The following TRIM6 variants were observed in gnomAD, a reference collection of about 807,000 sequenced individuals.
TRIM6 encodes the protein tripartite motif containing 6.
Under a neutral mutation model 51.2 loss-of-function variants are expected in TRIM6, and 43 were observed. That is an observed-to-expected ratio of 0.84 (90% CI 0.66 to 1.08). TRIM6 has a LOEUF of 1.08. TRIM6 is among the 50% of genes least tolerant of loss of function. TRIM6 has a pLI of 0.00. For missense variants in TRIM6, 669 were observed against 619.0 expected (o/e 1.08, Z -0.86); for synonymous variants, 215 against 232.4 (o/e 0.93, Z 0.68).
At position 5,612,690 on chromosome 11, in the gene TRIM6, A is replaced by G. The variant is rs1848621405; in HGVS notation, c.*1348A>G. Reference sequence around the variant, plus strand: ...CCAGCTATAAAAGAAATTAAGAGGTACATGTGAGGGTAGAAACAAATATCA... The same window carrying G: ...CCAGCTATAAAAGAAATTAAGAGGTGCATGTGAGGGTAGAAACAAATATCA... On this transcript the variant is annotated 3_prime_UTR_variant, in exon 8 of 8. Transcript: ENST00000380097. 1 of 152,236 alleles carries G rather than the reference A, an allele frequency of 6.6e-6. No homozygotes were observed. The allele number at this position is 152,236 out of a possible 1,614,324, so 9.4% of individuals were successfully genotyped here.
At position 5,603,237 on chromosome 11, in the gene TRIM6, T is replaced by G. The variant is rs536622605; in HGVS notation, c.18-9T>G. Reference sequence around the variant, plus strand: ...CCCTGATCCTTTTTTTGTTTGTTCATCTACCTAGGATTCTACAGGCAGGAA... The same window carrying G: ...CCCTGATCCTTTTTTTGTTTGTTCAGCTACCTAGGATTCTACAGGCAGGAA... On this transcript the variant is annotated splice_polypyrimidine_tract_variant and intron_variant, in intron 1 of 7. Transcript: ENST00000380097. 1 of 1,608,914 alleles carries G rather than the reference T, an allele frequency of 6.2e-7. No homozygotes were observed.
chr11:5,610,669 C>T (rs1056285180), intron 7 of TRIM6, 108 bp downstream of exon 7: 3 of 1,567,088 alleles, frequency 1.9e-6, no homozygotes, highest in Admixed American at 1.8e-5. Context: ...TCCCCCATCC[C>T]CGCCATATAG....
At chr11:5,606,576 T>TA (rs1475638363) in intron 4 of TRIM6, among the ~76,000 whole-genome samples, 1 of 152,208 alleles carries the variant, frequency 6.6e-6, no homozygotes, top group Non-Finnish European at 1.5e-5. Context: ...TTCTGCCTGT[T>TA]ACAGCTTTTT....
intron 5 of TRIM6, 58 bp from the exon 6 acceptor site, chr11:5,610,087 G>T: frequency 6.3e-7 from 1 of 1,579,276 alleles, no homozygotes. Context: ...AAGGGAGATG[G>T]GTGGTGGAGG....
In TRIM6 at chr11:5,596,676, C is replaced by A; in HGVS notation, c.-222C>A. 1.5e-6 allele frequency: 1 copy of A among 645,646 alleles called. No individual in the cohort carries two copies. Among genetic ancestry groups the A allele is most frequent in the South Asian group, 1.9e-5 (1 of 52,496 alleles). 40.0% of individuals were successfully genotyped at this position (645,646 alleles called of 1,614,324 possible). On this transcript the variant is annotated 5_prime_UTR_variant, in exon 1 of 8. It adds an upstream start codon to the 5' untranslated region. Transcript: ENST00000380097. ...GATGAGCCTTCCGCAAACTCCTGAC[C>A]TGTGGGTCCGTCCGTTCAACGGCCA...
chr11:5,607,237 G>A (rs2133852391), intron 4 of TRIM6, among the ~76,000 whole-genome samples: 1 of 152,058 alleles, frequency 6.6e-6, no homozygotes, highest in South Asian at 2.1e-4. Context: ...CAAGATAAAA[G>A]CTTCAAAATA....
At chr11:5,605,687 C>A in intron 4 of TRIM6, 120 bp downstream of exon 4, 1 of 1,195,974 alleles carries the variant, frequency 8.4e-7, no homozygotes, top group Non-Finnish European at 1.1e-6. Flanking sequence ...TCCTTTGGCG[C>A]TATAGTGCCT....
At chr11:5,609,997 C>T (rs905337390) in intron 5 of TRIM6, 148 bp from the exon 6 acceptor site, 11 of 720,850 alleles carry the variant, frequency 1.5e-5, no homozygotes, top group Admixed American at 1.2e-4. Flanking sequence ...TCTTCTGGCT[C>T]CAGTGCCAGG....
chr11:5,608,464 G>A (rs923039862), intron 5 of TRIM6, 70 bp downstream of exon 5: 7 of 1,597,780 alleles, frequency 4.4e-6, no homozygotes, highest in Non-Finnish European at 6.0e-6. Flanking sequence ...TGATCAGTGG[G>A]AAAGGGAAGA....
chr11:5,599,396 T>TA, intron 1 of TRIM6, among the ~76,000 whole-genome samples: 1 of 150,916 alleles, frequency 6.6e-6, no homozygotes, highest in African/African-American at 2.4e-5. Flanking sequence ...TTTATTTATT[T>TA]ATTTATTTAT....
At chr11:5,607,005 C>T (rs1044033384) in intron 4 of TRIM6, among the ~76,000 whole-genome samples, 12 of 152,266 alleles carry the variant, frequency 7.9e-5, no homozygotes, top group Middle Eastern at 3.4e-3. Context: ...AGATTGAGAC[C>T]ATCCTGGCTA....
At position 5,604,408 on chromosome 11, in the gene TRIM6, G is replaced by A. The variant is rs190408130; in HGVS notation, c.508-126G>A. ...ATAAAAGATTTGTTGGCCCTCTCAA[G>A]TTTTCATCCTAGGTTAGGACAGGCT... On this transcript the variant is annotated intron_variant, in intron 2 of 7. Coordinates refer to ENST00000380097, the MANE Select transcript of TRIM6 (RefSeq NM_001003818.3). 2.6e-5 allele frequency: 27 copies of A among 1,049,290 alleles called. No homozygotes were observed. In the African/African-American group the frequency reaches 4.1e-4, roughly 16 times the overall value. 65.0% of individuals were successfully genotyped at this position (1,049,290 alleles called of 1,614,324 possible).
Position 5,596,668 on chromosome 11 carries a change from C to T in TRIM6, c.-230C>T, listed in dbSNP as rs1258453863. ...AGTTGGGAGATGAGCCTTCCGCAAACTCCTGACCTGTGGGTCCGTCCGTTC... is the reference window on the plus strand; with the variant it reads ...AGTTGGGAGATGAGCCTTCCGCAAATTCCTGACCTGTGGGTCCGTCCGTTC... On this transcript the variant is annotated 5_prime_UTR_variant, in exon 1 of 8. Transcript: ENST00000380097. 8 of 604,444 alleles carry T rather than the reference C, an allele frequency of 1.3e-5. No homozygotes were observed. The highest frequency in any genetic ancestry group is 2.0e-5 in the Non-Finnish European group (7 of 354,038). 37.4% of individuals were successfully genotyped at this position (604,444 alleles called of 1,614,324 possible).
intron 2 of TRIM6, 71 bp from the exon 3 acceptor site, chr11:5,604,463 A>C: frequency 6.6e-7 from 1 of 1,516,058 alleles, no homozygotes; most frequent in Non-Finnish European, 8.9e-7. Flanking sequence ...TCTCTGTCCC[A>C]TTCATTCTAT....
chr11:5,608,847 A>ATTTTTTTTTTTTTTTT (rs370630648), intron 5 of TRIM6, among the ~76,000 whole-genome samples: 6 of 101,902 alleles, frequency 5.9e-5, no homozygotes, highest in African/African-American at 1.7e-4. Context: ...TTGCCCATAA[A>ATTTTTTTTTTTTTTTT]TTTTTTTTTT....
intron 4 of TRIM6, among the ~76,000 whole-genome samples, chr11:5,607,087 C>T (rs1177757290): frequency 6.6e-6 from 1 of 151,988 alleles, no homozygotes; most frequent in Admixed American, 6.6e-5. Flanking sequence ...GCCTGTAGTC[C>T]CAGCTACTCG....
chr11:5,601,616 G>A (rs779854209), intron 1 of TRIM6, among the ~76,000 whole-genome samples: 1 of 152,064 alleles, frequency 6.6e-6, no homozygotes, highest in Non-Finnish European at 1.5e-5. Flanking sequence ...AAATTAGCTG[G>A]GCATGGTGGC....
In TRIM6 at chr11:5,601,285, A is replaced by G. The variant is rs573128473; in HGVS notation, c.18-1961A>G. The stretch of plus-strand genomic sequence containing the variant: ...TTTGAACTAGCACCCTGGAAAGGTT[A>G]GGTTATGCCAATTCTACAACTTACA... On this transcript the variant is annotated intron_variant, in intron 1 of 7. Transcript: ENST00000380097. Among the ~76,000 whole-genome samples, 5 of 152,348 alleles carry G rather than the reference A, an allele frequency of 3.3e-5. No individual in the cohort carries two copies. In the South Asian group the frequency reaches 1.0e-3, roughly 32 times the overall value.
At chr11:5,600,009 T>C (rs1847739041) in intron 1 of TRIM6, among the ~76,000 whole-genome samples, 1 of 152,152 alleles carries the variant, frequency 6.6e-6, no homozygotes, top group Admixed American at 6.5e-5. Context: ...AAGGAAATAA[T>C]AGTGCAGTTC....
Sources: gnomAD v4.1 joint callset for allele counts (sites outside exome capture counted in the v4.1 genomes callset) on GRCh38, gnomAD v4.1.1 for gene constraint, MANE v1.5 for transcripts, NCBI Gene and HGNC (gene_info 2026-07-23, HGNC 2026-07-21) for gene names.